PRPH2: variants seen among roughly 807,000 people sequenced by gnomAD.
PRPH2 encodes the protein peripherin-2.
Under a neutral mutation model 31.3 loss-of-function variants are expected in PRPH2, and 17 were observed. That is an observed-to-expected ratio of 0.54 (90% CI 0.37 to 0.81). PRPH2 has a LOEUF of 0.81. Ranked by LOEUF, PRPH2 falls within the 40% of genes least tolerant of loss-of-function variation. The pLI is 0.00. For missense variants in PRPH2, 430 were observed against 439.7 expected, an observed-to-expected ratio of 0.98 and a Z score of 0.20; for synonymous variants, 165 against 184.4, an observed-to-expected ratio of 0.89 and a Z score of 0.85.
chr6:42,722,127 G>A lies in PRPH2; in HGVS notation c.208C>T (p.Leu70=), dbSNP rs750904649. 4.3e-6 allele frequency: 7 copies of A among 1,614,052 alleles called. No individual in the cohort carries two copies. In the South Asian group the frequency reaches 6.6e-5, roughly 15 times the overall value. Residue 70 remains leucine, a synonymous_variant, in exon 1 of 3, where the codon CTA becomes TTA. Transcript: ENST00000230381. This position sits in a 1 kb window ranked among gnomAD's most constrained non-coding sequence, Gnocchi z 4.4. ...VPNSLIGMGV[L]SCVFNSLAGK... is the part of the protein sequence containing the mutation. The stretch of plus-strand genomic sequence containing the variant: ...GCCAGCGAGTTGAAGACACAGGATA[G>A]CACCCCCATCCCTATCAATGAGTTG...
chr6:42,722,286 C>G lies in PRPH2; in HGVS notation c.49G>C (p.Ala17Pro), dbSNP rs777717115. Residue 17 changes from alanine (A) to proline (P), a missense_variant, in exon 1 of 3, where the codon GCC (alanine) becomes CCC (proline). Ala to Pro is a conservative substitution (Grantham distance 27). Transcript: ENST00000230381. This position sits in a 1 kb window ranked among gnomAD's most constrained non-coding sequence, Gnocchi z 4.4. ...CAGTTCATGAGCCAGAGCCCTTGGG[C>G]CAACTTGACCCGCTTCTTCTGGTCA... ...KFDQKKRVKLAQGLWLMNWFS... is the reference protein window; with the variant it reads ...KFDQKKRVKLPQGLWLMNWFS... The G allele has an allele frequency of 6.2e-7, 1 of 1,614,144 alleles. No homozygotes were observed. Among genetic ancestry groups the G allele is most frequent in the Admixed American group, 1.7e-5 (1 of 60,028 alleles).
chr6:42,722,402 A>G lies in PRPH2; in HGVS notation c.-68T>C. The G allele has an allele frequency of 2.5e-6, 4 of 1,599,092 alleles. No homozygotes were observed. The Admixed American group carries it at 5.1e-5, about 21-fold the overall frequency. ...CCACCCCAAACCTTAACGAGCCCAG[A>G]GGCGGAGACTTAGGGCCTTGGGAAA... On this transcript the variant is annotated 5_prime_UTR_variant, in exon 1 of 3. Coordinates refer to ENST00000230381, the MANE Select transcript of PRPH2 (RefSeq NM_000322.5). This position sits in a 1 kb window ranked among gnomAD's most constrained non-coding sequence, Gnocchi z 4.4.
chr6:42,700,259 C>G (rs1426756787), intron 2 of PRPH2, among the ~76,000 whole-genome samples: 4 of 152,242 alleles, frequency 2.6e-5, no homozygotes, highest in Non-Finnish European at 4.4e-5. Context: ...AGCCACCACA[C>G]CCTGTTTTCA....
At position 42,698,218 on chromosome 6, in the gene PRPH2, G is replaced by T. The variant is rs1799980410; in HGVS notation, c.*77C>A. 1 of 1,591,156 alleles carries T rather than the reference G, an allele frequency of 6.3e-7. No homozygotes were observed. The highest frequency in any genetic ancestry group is 1.7e-5 in the Admixed American group (1 of 57,986). On this transcript the variant is annotated 3_prime_UTR_variant, in exon 3 of 3. Coordinates refer to ENST00000230381, the MANE Select transcript of PRPH2 (RefSeq NM_000322.5). Reference sequence around the variant, plus strand: ...TCCTTGGGAGATTCAGACTTTCGGAGTTGGATGAGGGGGAGATCCACGTTT... The same window carrying T: ...TCCTTGGGAGATTCAGACTTTCGGATTTGGATGAGGGGGAGATCCACGTTT...
At chr6:42,721,714 T>C (rs1761904013) in intron 1 of PRPH2, 40 bp downstream of exon 1, 1 of 1,609,974 alleles carries the variant, frequency 6.2e-7, no homozygotes, top group Non-Finnish European at 8.5e-7. Flanking sequence ...GTGTCCCCAA[T>C]ATATTCATAG....
intron 1 of PRPH2, among the ~76,000 whole-genome samples, chr6:42,716,971 T>C (rs1761799046): frequency 1.6e-5 from 2 of 125,228 alleles, no homozygotes; most frequent in African/African-American, 3.1e-5. Flanking sequence ...TCTTTTTTTT[T>C]TTTTTTTTTT....
At chr6:42,712,885 A>G (rs1308313005) in intron 1 of PRPH2, among the ~76,000 whole-genome samples, 1 of 152,094 alleles carries the variant, frequency 6.6e-6, no homozygotes, top group Non-Finnish European at 1.5e-5. Context: ...AGTTTTTTCT[A>G]TAATAGAAGT....
chr6:42,702,637 A>C (rs1800068272), intron 2 of PRPH2, among the ~76,000 whole-genome samples: 1 of 82,412 alleles, frequency 1.2e-5, no homozygotes, highest in Non-Finnish European at 2.8e-5. Context: ...GCCGAGGCCG[A>C]GGCTGGTGGA....
At chr6:42,698,701 T>A (rs558278400) in intron 2 of PRPH2, among the ~76,000 whole-genome samples, 194 bp from the exon 3 acceptor site, 1 of 152,200 alleles carries the variant, frequency 6.6e-6, no homozygotes, top group East Asian at 1.9e-4. Context: ...TTCTCCAGCC[T>A]CATGTCAGAC....
intron 1 of PRPH2, among the ~76,000 whole-genome samples, chr6:42,708,722 C>G (rs1220340727): frequency 6.6e-6 from 1 of 152,214 alleles, no homozygotes; most frequent in Non-Finnish European, 1.5e-5. Flanking sequence ...TGCCAGTGTC[C>G]TGTGGACAGG....
rs1371227807 is a variant in PRPH2 at position 42,711,555 on chromosome 6, G to A, written c.582-6944C>T. On this transcript the variant is annotated intron_variant, in intron 1 of 2. Coordinates refer to ENST00000230381, the MANE Select transcript of PRPH2 (RefSeq NM_000322.5). ...CACAGCCCCATCCTCAGGGAGCCCC[G>A]GTCTGAGGGGGACACAGCCCCATCC... 7.4e-5 allele frequency among the ~76,000 whole-genome samples: 7 copies of A among 94,448 alleles called. No homozygotes were observed. In the South Asian group the frequency reaches 8.8e-4, roughly 12 times the overall value. The allele number at this position is 94,448 out of a possible 152,430, so 62.0% of individuals were successfully genotyped here.
At chr6:42,708,772 G>T (rs1418207926) in intron 1 of PRPH2, among the ~76,000 whole-genome samples, 1 of 152,164 alleles carries the variant, frequency 6.6e-6, no homozygotes, top group Admixed American at 6.5e-5. Context: ...TCCTAAATAT[G>T]TATTTGGGAG....
chr6:42,700,479 C>T (rs554158391), intron 2 of PRPH2, among the ~76,000 whole-genome samples: 299 of 152,260 alleles, frequency 2.0e-3, no homozygotes, highest in Non-Finnish European at 3.4e-3. Flanking sequence ...CTCAGTAAAT[C>T]TCTTTTGAAT....
intron 1 of PRPH2, among the ~76,000 whole-genome samples, chr6:42,705,599 A>AATATAT (rs1194169404): frequency 4.3e-3 from 92 of 21,368 alleles, no homozygotes; most frequent in African/African-American, 0.011. Context: ...AAAAAAAAAA[A>AATATAT]ATATATATAT....
chr6:42,708,090 G>C (rs751547824), intron 1 of PRPH2, among the ~76,000 whole-genome samples: 2 of 152,312 alleles, frequency 1.3e-5, no homozygotes, highest in East Asian at 3.9e-4. Flanking sequence ...GCAGGTGGCC[G>C]AGCAAGAGCC....
At chr6:42,700,326 C>T (rs1317899801) in intron 2 of PRPH2, among the ~76,000 whole-genome samples, 1 of 152,142 alleles carries the variant, frequency 6.6e-6, no homozygotes, top group East Asian at 1.9e-4. Flanking sequence ...TACAAATTCC[C>T]GGCTTGCTCT....
chr6:42,699,398 G>T (rs1183734330), intron 2 of PRPH2, among the ~76,000 whole-genome samples: 1 of 152,050 alleles, frequency 6.6e-6, no homozygotes, highest in African/African-American at 2.4e-5. Context: ...ATGAATGGAT[G>T]CTGGTAAAAA....
intron 1 of PRPH2, among the ~76,000 whole-genome samples, chr6:42,717,474 G>T (rs1247002271): frequency 6.6e-6 from 1 of 151,932 alleles, no homozygotes; most frequent in Admixed American, 6.6e-5. Flanking sequence ...TCACCTCTTT[G>T]CCATCAGAAT....
chr6:42,722,562 G>C lies in PRPH2; in HGVS notation c.-228C>G. 1 of 1,415,342 alleles carries C rather than the reference G, an allele frequency of 7.1e-7. No homozygotes were observed. The highest frequency in any genetic ancestry group is 9.2e-7 in the Non-Finnish European group (1 of 1,087,122). 87.7% of individuals were successfully genotyped at this position (1,415,342 alleles called of 1,614,324 possible). On this transcript the variant is annotated 5_prime_UTR_variant, in exon 1 of 3. Transcript: ENST00000230381. This position sits in a 1 kb window ranked among gnomAD's most constrained non-coding sequence, Gnocchi z 4.4. Reference sequence around the variant, plus strand: ...ACAGCTTGAGCAGGGGATAGTCCTGGTCCTGGGCGTTGTTTCTTCAGCGCC... The same window carrying C: ...ACAGCTTGAGCAGGGGATAGTCCTGCTCCTGGGCGTTGTTTCTTCAGCGCC...
Sources: allele counts gnomAD v4.1 joint callset (sites outside exome capture counted in the v4.1 genomes callset), GRCh38; gene constraint gnomAD v4.1.1; non-coding constraint Gnocchi (gnomAD v3.1); transcripts MANE v1.5; gene names NCBI Gene and HGNC (gene_info 2026-07-23, HGNC 2026-07-21).